The following ZHX2 variants were observed in gnomAD, a reference collection of about 807,000 sequenced individuals.
ZHX2 encodes zinc fingers and homeoboxes protein 2.
A neutral mutation model predicts 21.9 loss-of-function variants in ZHX2; 6 were observed. The observed-to-expected ratio is 0.27, with a 90% CI of 0.15 to 0.54. The LOEUF is 0.54. Ranked by LOEUF, ZHX2 falls within the 20% of genes least tolerant of loss-of-function variation. The probability of loss-of-function intolerance (pLI) is 0.95; values close to 1 mark genes in which losing one functional copy is unlikely to be tolerated. For synonymous variants in ZHX2, 434 were observed against 437.1 expected (o/e 0.99, Z 0.09); for missense variants, 908 against 1,090.7 (o/e 0.83, Z 2.36).
intron 1 of ZHX2, chr8:122,810,692 C>A (rs555102101): frequency 6.6e-6 from 1 of 152,164 alleles, no homozygotes; most frequent in African/African-American, 2.4e-5. Context: ...AGCTCCTCTC[C>A]CCTGGTGTCA....
chr8:122,806,528 A>C (rs1261655422), intron 1 of ZHX2, among the ~76,000 whole-genome samples: 1 of 152,256 alleles, frequency 6.6e-6, no homozygotes, highest in Non-Finnish European at 1.5e-5. Flanking sequence ...GAGATGGTAC[A>C]CACAGAGTAG....
intron 3 of ZHX2, among the ~76,000 whole-genome samples, chr8:122,960,968 A>G (rs1813428368): frequency 6.6e-6 from 1 of 152,192 alleles, no homozygotes; most frequent in Non-Finnish European, 1.5e-5. Flanking sequence ...GATGGTGGAA[A>G]ATTCTAGAGC....
At chr8:122,827,175 A>G (rs960376958) in intron 1 of ZHX2, among the ~76,000 whole-genome samples, 4 of 152,190 alleles carry the variant, frequency 2.6e-5, no homozygotes, top group Middle Eastern at 3.4e-3. Flanking sequence ...TTGCGCCACC[A>G]TGCCTAGCTA....
chr8:122,909,605 T>TC (rs940972246), intron 2 of ZHX2, among the ~76,000 whole-genome samples: 25 of 151,578 alleles, frequency 1.6e-4, no homozygotes, highest in African/African-American at 4.8e-4. Context: ...CCTCCTCCTC[T>TC]CCCCCCCACA....
chr8:122,861,675 A>G (rs1377985855), intron 1 of ZHX2, among the ~76,000 whole-genome samples: 1 of 152,108 alleles, frequency 6.6e-6, no homozygotes, highest in African/African-American at 2.4e-5. Context: ...CTGGGCTTGG[A>G]GTCAGAGGAT....
At chr8:122,903,211 T>G (rs1820270912) in intron 2 of ZHX2, among the ~76,000 whole-genome samples, 2 of 152,374 alleles carry the variant, frequency 1.3e-5, no homozygotes, top group Non-Finnish European at 2.9e-5. Flanking sequence ...TAAGATAACT[T>G]TGCCCATAGC....
chr8:122,800,693 G>T (rs1231967618), intron 1 of ZHX2, among the ~76,000 whole-genome samples: 1 of 152,236 alleles, frequency 6.6e-6, no homozygotes, highest in Non-Finnish European at 1.5e-5. Flanking sequence ...AACAGTGAGT[G>T]CTTGATTTAA....
chr8:122,969,363 T>C (rs1353166529), intron 3 of ZHX2, among the ~76,000 whole-genome samples: 1 of 152,094 alleles, frequency 6.6e-6, no homozygotes, highest in East Asian at 1.9e-4. Context: ...TACTTCAAAA[T>C]GTGTTCAGAG....
intron 1 of ZHX2, among the ~76,000 whole-genome samples, chr8:122,790,033 A>G (rs1290232185): frequency 6.6e-6 from 1 of 152,212 alleles, no homozygotes; most frequent in East Asian, 1.9e-4. Context: ...GAGAACTTGC[A>G]TTCGAGAGTG....
intron 2 of ZHX2, among the ~76,000 whole-genome samples, chr8:122,931,827 G>A (rs577337351): frequency 7.2e-5 from 11 of 152,278 alleles, no homozygotes; most frequent in African/African-American, 2.6e-4. Context: ...TTAATGAATG[G>A]GAGAAGGAAA....
chr8:122,924,181 C>T (rs1418786949), intron 2 of ZHX2, among the ~76,000 whole-genome samples: 9 of 152,154 alleles, frequency 5.9e-5, no homozygotes, highest in South Asian at 2.1e-4. Flanking sequence ...AGAACTCCAA[C>T]GCTGAGGTCA....
At chr8:122,877,136 G>T (rs1819592041) in intron 2 of ZHX2, among the ~76,000 whole-genome samples, 1 of 152,074 alleles carries the variant, frequency 6.6e-6, no homozygotes, top group East Asian at 1.9e-4. Flanking sequence ...TATTAGCTGT[G>T]TGACCTTGGG....
chr8:122,957,061 G>T (rs1234859913), intron 3 of ZHX2, among the ~76,000 whole-genome samples: 4 of 152,112 alleles, frequency 2.6e-5, no homozygotes, highest in Non-Finnish European at 5.9e-5. Context: ...CAGAGGTCGA[G>T]GTAGGTTCTC....
rs751437338 is a variant in ZHX2 at position 122,974,172 on chromosome 8, C to G, written c.*935C>G. 6.6e-6 allele frequency: 1 copy of G among 152,574 alleles called. No individual in the cohort carries two copies. The highest frequency in any genetic ancestry group is 1.5e-5 in the Non-Finnish European group (1 of 68,040). 9.5% of individuals were successfully genotyped at this position (152,574 alleles called of 1,614,324 possible). A position where few individuals can be genotyped will look rare whatever the true frequency, so the allele number is the denominator to read the frequency against. On this transcript the variant is annotated 3_prime_UTR_variant, in exon 4 of 4. Transcript: ENST00000314393. ...CTTTGGTTTTCATTTCTCTTCTTCA[C>G]TGCCTTTTCTCGGTGTGGTATTTGA...
chr8:122,852,511 C>T (rs1042196752), intron 1 of ZHX2, among the ~76,000 whole-genome samples: 2 of 151,968 alleles, frequency 1.3e-5, no homozygotes, highest in East Asian at 1.9e-4. Flanking sequence ...AGCTAATCAT[C>T]GGCAGGCCCA....
At chr8:122,957,136 C>T (rs1813324006) in intron 3 of ZHX2, among the ~76,000 whole-genome samples, 1 of 152,020 alleles carries the variant, frequency 6.6e-6, no homozygotes, top group African/African-American at 2.4e-5. Context: ...CAGAAACAGA[C>T]TCAGAAACCA....
In ZHX2 at chr8:122,919,423, A is replaced by G. The variant is rs566542978; in HGVS notation, c.-219-31869A>G. Among the ~76,000 whole-genome samples the G allele has an allele frequency of 2.6e-5, 4 of 152,336 alleles. No homozygotes were observed. The South Asian group carries it at 8.3e-4, about 32-fold the overall frequency. Reference sequence around the variant, plus strand: ...ATGGTGGGGAGCGTGACCGTCATTCATTCCTCATGTATTTATTGCGTACTC... The same window carrying G: ...ATGGTGGGGAGCGTGACCGTCATTCGTTCCTCATGTATTTATTGCGTACTC... On this transcript the variant is annotated intron_variant, in intron 2 of 3. Coordinates refer to ENST00000314393, the MANE Select transcript of ZHX2 (RefSeq NM_014943.5).
In ZHX2 at chr8:122,880,842, G is replaced by A. The variant is rs146876914; in HGVS notation, c.-220+17303G>A. Among the ~76,000 whole-genome samples, 6 of 151,484 alleles carry A rather than the reference G, an allele frequency of 4.0e-5. No homozygotes were observed. In the East Asian group the frequency reaches 5.8e-4, roughly 15 times the overall value. The stretch of plus-strand genomic sequence containing the variant: ...GAGAACATGCCACAGTGGAAGTCCA[G>A]GTAACACCCTGGACATTACCCTAAA... On this transcript the variant is annotated intron_variant, in intron 2 of 3. Transcript: ENST00000314393.
intron 3 of ZHX2, among the ~76,000 whole-genome samples, chr8:122,955,910 T>C (rs1813288370): frequency 6.8e-6 from 1 of 146,352 alleles, no homozygotes; most frequent in African/African-American, 2.6e-5. Flanking sequence ...AATGGCACGA[T>C]CTCAACTCAC....
Sources: allele counts gnomAD v4.1 joint callset (sites outside exome capture counted in the v4.1 genomes callset), GRCh38; gene constraint gnomAD v4.1.1; transcripts MANE v1.5; gene names NCBI Gene and HGNC (gene_info 2026-07-23, HGNC 2026-07-21).